Variants in ZIC3 observed in about 807,000 individuals in gnomAD.
The protein encoded by ZIC3 is Zic family zinc finger 3, also known as zinc finger protein ZIC 3.
A neutral mutation model predicts 18.3 loss-of-function variants in ZIC3; 6 were observed. The ratio of observed to expected loss-of-function variants is 0.33; its 90% CI spans 0.18 to 0.65. The LOEUF is 0.65. Ranked by LOEUF, ZIC3 falls within the 30% of genes least tolerant of loss-of-function variation. ZIC3 has a pLI of 0.75. For synonymous variants in ZIC3, 175 were observed against 177.0 expected, an observed-to-expected ratio of 0.99 and a Z score of 0.09; for missense variants, 260 against 410.0, an observed-to-expected ratio of 0.63 and a Z score of 3.16.
rs757238089 is a variant in ZIC3, at chrX:137,570,031, C to G, written c.1365C>G (p.Asn455Lys). 8.3e-7 allele frequency: 1 copy of G among 1,210,293 alleles called. No individual in the cohort carries two copies. Among genetic ancestry groups the G allele is most frequent in the African/African-American group, 1.7e-5 (1 of 57,241 alleles). Residue 455 changes from asparagine to lysine, a missense_variant, in exon 3 of 3, where the codon AAC (asparagine) becomes AAG (lysine). Asn to Lys is a moderately conservative substitution (Grantham distance 94, BLOSUM62 0). Coordinates refer to ENST00000287538, the MANE Select transcript of ZIC3 (RefSeq NM_003413.4). ...CAGTTCAAACTAGCACCAGCCACAACCCTGGACTTCCTCCTAATTTTAACG... is the reference window on the plus strand; with the variant it reads ...CAGTTCAAACTAGCACCAGCCACAAGCCTGGACTTCCTCCTAATTTTAACG... ...PSAVQTSTSH[N>K]PGLPPNFNEW...
rs1426694093 is a variant in ZIC3, at chrX:137,567,540, C to T, written c.849C>T (p.Thr283=). The T allele has an allele frequency of 1.6e-6, 2 of 1,212,194 alleles. No individual in the cohort carries two copies. Among genetic ancestry groups the T allele is most frequent in the Admixed American group, 4.3e-5 (2 of 46,143 alleles). The change falls in exon 1 of 3, where the codon ACC becomes ACT. Residue 283 remains threonine, a synonymous_variant. Coordinates refer to ENST00000287538, the MANE Select transcript of ZIC3 (RefSeq NM_003413.4). ...STMHELVTHV[T]MEHVGGPEQN... is the part of the protein sequence containing the mutation. ...TGCATGAGCTGGTGACACATGTCACCATGGAGCATGTGGGGGGCCCGGAGC... is the reference window on the plus strand; with the variant it reads ...TGCATGAGCTGGTGACACATGTCACTATGGAGCATGTGGGGGGCCCGGAGC...
At position 137,570,243 on chromosome X, in the gene ZIC3, C is replaced by T. The variant is rs1931418871; in HGVS notation, c.*173C>T. 1.1e-5 allele frequency: 6 copies of T among 554,246 alleles called. No homozygotes were observed. In the East Asian group the frequency reaches 1.7e-4, roughly 16 times the overall value. 45.7% of individuals were successfully genotyped at this position (554,246 alleles called of 1,213,427 possible). A position where few individuals can be genotyped will look rare whatever the true frequency, so the allele number is the denominator to read the frequency against. On this transcript the variant is annotated 3_prime_UTR_variant, in exon 3 of 3. Transcript: ENST00000287538. ...GGGCAAGATCCAAAAGTAGCCATGC[C>T]CTTTTCTCAGGATAGAAAATATGTT...
Position 137,567,174 on chromosome X carries a change from G to A in ZIC3, c.483G>A (p.Leu161=). 8.3e-7 allele frequency: 1 copy of A among 1,208,056 alleles called. No individual in the cohort carries two copies. Among genetic ancestry groups the A allele is most frequent in the East Asian group, 3.0e-5 (1 of 33,697 alleles). The change falls in exon 1 of 3, where the codon CTG becomes CTA. Residue 161 remains leucine, a synonymous_variant. Coordinates refer to ENST00000287538, the MANE Select transcript of ZIC3 (RefSeq NM_003413.4). ...TCCCCGAGCCCCCTAGCTACTTGCTGTTTCCCGGGCTGCATGAGCAGGGCG... is the reference window on the plus strand; with the variant it reads ...TCCCCGAGCCCCCTAGCTACTTGCTATTTCCCGGGCTGCATGAGCAGGGCG... ...AGIPEPPSYL[L]FPGLHEQGAG...
rs899320157 is a variant in ZIC3 at position 137,570,863 on chromosome X, CTTGTT to C, written c.*798_*802del. ...ATTTTGGAACCACTGACTCCTTTCT[CTTGTT>C]TTGTAACAGCCTTCTTCTACAAAGA... On this transcript the variant is annotated 3_prime_UTR_variant, in exon 3 of 3. Transcript: ENST00000287538. The C allele has an allele frequency of 9.7e-5, 11 of 112,968 alleles. No individual in the cohort carries two copies. Among genetic ancestry groups the C allele is most frequent in the African/African-American group, 2.6e-4 (8 of 31,003 alleles). The allele number at this position is 112,968 out of a possible 1,213,427, so 9.3% of individuals were successfully genotyped here. A position where few individuals can be genotyped will look rare whatever the true frequency, so the allele number is the denominator to read the frequency against.
chrX:137,567,874 G>A, intron 1 of ZIC3, 123 bp downstream of exon 1: 2 of 1,127,877 alleles, frequency 1.8e-6, no homozygotes, highest in Non-Finnish European at 1.2e-6. Flanking sequence ...ACGGCCGCTC[G>A]AAAAAGAAGC....
downstream of ZIC3, among the ~76,000 whole-genome samples, chrX:137,573,481 T>C (rs1169762645): frequency 1.8e-5 from 2 of 111,531 alleles, no homozygotes; most frequent in Non-Finnish European, 1.9e-5. Context: ...CCCAGGAAAG[T>C]TGGAGTGTTC....
chrX:137,572,572 G>T (rs1017357167), downstream of ZIC3, among the ~76,000 whole-genome samples: 1 of 112,050 alleles, frequency 8.9e-6, no homozygotes, highest in Non-Finnish European at 1.9e-5. Flanking sequence ...CATAAGACTG[G>T]CTCTAAGTGT....
chrX:137,569,113 G>T (rs370935771), intron 2 of ZIC3, 48 bp downstream of exon 2: 2 of 1,198,087 alleles, frequency 1.7e-6, no homozygotes, highest in African/African-American at 1.8e-5. Context: ...CACTCGGCCC[G>T]ACGCCGGGCC....
intron 1 of ZIC3, 170 bp from the exon 2 acceptor site, chrX:137,568,732 G>A: frequency 5.9e-6 from 2 of 340,169 alleles, no homozygotes; most frequent in Admixed American, 7.4e-5. Context: ...AACCCAGCGG[G>A]CTCAACCTAC....
rs1931419794 is a variant in ZIC3 at position 137,570,295 on chromosome X, A to G, written c.*225A>G. ...TGGCATTTGAAGCATTTTTTACAAA[A>G]TCTTTACACTACTTTTTCTTCCCCT... On this transcript the variant is annotated 3_prime_UTR_variant, in exon 3 of 3. Transcript: ENST00000287538. 2.3e-6 allele frequency: 1 copy of G among 432,197 alleles called. No individual in the cohort carries two copies. The highest frequency in any genetic ancestry group is 4.0e-6 in the Non-Finnish European group (1 of 250,559). 35.6% of individuals were successfully genotyped at this position (432,197 alleles called of 1,213,427 possible). A position where few individuals can be genotyped will look rare whatever the true frequency, so the allele number is the denominator to read the frequency against.
downstream of ZIC3, among the ~76,000 whole-genome samples, chrX:137,575,110 G>A (rs1023571954): frequency 1.8e-5 from 2 of 111,981 alleles, no homozygotes; most frequent in African/African-American, 6.5e-5. Context: ...GCCCCGGTCG[G>A]GATTCCACAG....
In ZIC3 at chrX:137,566,686, C is replaced by A. The variant is rs751292937; in HGVS notation, c.-6C>A. The A allele has an allele frequency of 1.7e-6, 2 of 1,199,482 alleles. No homozygotes were observed. The highest frequency in any genetic ancestry group is 1.7e-5 in the African/African-American group (1 of 57,395). On this transcript the variant is annotated 5_prime_UTR_variant, in exon 1 of 3. Coordinates refer to ENST00000287538, the MANE Select transcript of ZIC3 (RefSeq NM_003413.4). ...CCGGATCGCCTGTGCCCAGAACGTCCCACCCATGACGATGCTCCTGGACGG... is the reference window on the plus strand; with the variant it reads ...CCGGATCGCCTGTGCCCAGAACGTCACACCCATGACGATGCTCCTGGACGG...
At chrX:137,568,401 C>A (rs1931388133) in intron 1 of ZIC3, among the ~76,000 whole-genome samples, 1 of 110,344 alleles carries the variant, frequency 9.1e-6, no homozygotes, top group Non-Finnish European at 1.9e-5. Context: ...TTTCCTCAAA[C>A]ATTAACTACG....
chrX:137,576,054 A>ATTTT (rs397956388), downstream of ZIC3, among the ~76,000 whole-genome samples: 1 of 93,539 alleles, frequency 1.1e-5, no homozygotes. Flanking sequence ...CACCAAGCCG[A>ATTTT]TTTTTTTTTT....
rs1931349869 is a variant in ZIC3, at chrX:137,566,796, G to A, written c.105G>A (p.Met35Ile). The change falls in exon 1 of 3, where the codon ATG becomes ATA. Residue 35 changes from methionine (M) to isoleucine (I), a missense_variant. This residue lies in a region of ZIC3 where 183 missense variants were observed against 223.8 expected (regional missense o/e 0.82). Transcript: ENST00000287538. ...TGCCCAACCGTGAGCCGGCAGGCAT[G>A]GGGCTGAATCCCTTCGGGGACTCAA... The part of the protein sequence containing the change: ...HEMPNREPAG[M>I]GLNPFGDSTH... The A allele has an allele frequency of 2.7e-5, 32 of 1,176,305 alleles. No individual in the cohort carries two copies. The highest frequency in any genetic ancestry group is 3.3e-5 in the Non-Finnish European group (29 of 880,138).
exon 3 of ZIC3, chrX:137,577,553 C>T: frequency 5.8e-6 from 1 of 173,433 alleles, no homozygotes; most frequent in Non-Finnish European, 1.1e-5. Flanking sequence ...TTTCAAATAC[C>T]AGCATTCTAT....
chrX:137,568,330 G>GGATC (rs199895925), intron 1 of ZIC3, among the ~76,000 whole-genome samples: 2,098 of 100,224 alleles, frequency 0.021, 21 homozygotes, highest in Non-Finnish European at 0.024. Flanking sequence ...GGAGCCCCCT[G>GGATC]GATCGATCGA....
At chrX:137,567,840 C>G (rs1394942561) in intron 1 of ZIC3, 89 bp downstream of exon 1, 1 of 1,198,745 alleles carries the variant, frequency 8.3e-7, no homozygotes, top group Non-Finnish European at 1.1e-6. Flanking sequence ...AGGTGGCGGC[C>G]AGGGAAAGGG....
chrX:137,566,930 G>T lies in ZIC3; in HGVS notation c.239G>T (p.Gly80Val), dbSNP rs1262033934. 3.4e-6 allele frequency: 4 copies of T among 1,166,516 alleles called. No homozygotes were observed. The Admixed American group carries it at 1.0e-4, about 30-fold the overall frequency. The change falls in exon 1 of 3, where the codon GGC becomes GTC. Residue 80 changes from glycine (G) to valine (V), a missense_variant. Around this residue, in one of 4 missense-constraint regions of ZIC3, gnomAD observed 183 missense variants for 223.8 expected, o/e 0.82. Transcript: ENST00000287538. ...QSSAFTPQGS[G>V]YANALGHHHH... ...TCGGCTTTCACGCCGCAGGGTTCGG[G>T]CTACGCCAACGCCCTGGGCCACCAT... is the stretch of plus-strand genomic sequence containing the variant.
Sources: gnomAD v4.1 joint callset for allele counts (sites outside exome capture counted in the v4.1 genomes callset) on GRCh38, gnomAD v4.1.1 for gene constraint, gnomAD v4.1.1 regional missense constraint, MANE v1.5 for transcripts, NCBI Gene and HGNC (gene_info 2026-07-23, HGNC 2026-07-21) for gene names.